PDE7B: variants seen among roughly 807,000 people sequenced by gnomAD.
PDE7B encodes phosphodiesterase 7B.
A neutral mutation model predicts 56.2 loss-of-function variants in PDE7B; 29 were observed. That is an observed-to-expected ratio of 0.52 (90% CI 0.38 to 0.70). The LOEUF is 0.70. Ranked by LOEUF, PDE7B falls within the 30% of genes least tolerant of loss-of-function variation. The pLI, the probability that PDE7B is intolerant of heterozygous loss-of-function variation, is 0.00. For missense variants in PDE7B, 490 were observed against 565.0 expected (o/e 0.87, Z 1.35); for synonymous variants, 197 against 196.9 (o/e 1.00, Z 0.00).
intron 2 of PDE7B, among the ~76,000 whole-genome samples, chr6:135,988,080 G>A (rs1343760352): frequency 1.3e-5 from 2 of 152,142 alleles, no homozygotes; most frequent in Non-Finnish European, 2.9e-5. Context: ...AAGCAGAATG[G>A]TATTTAGAGG....
intron 3 of PDE7B, among the ~76,000 whole-genome samples, chr6:136,116,406 G>A (rs749040175): frequency 2.0e-5 from 3 of 152,224 alleles, no homozygotes; most frequent in Non-Finnish European, 4.4e-5. Flanking sequence ...ATAAAACACT[G>A]TTTGAGAAAA....
chr6:135,853,725 AT>A (rs1354933086), intron 1 of PDE7B, among the ~76,000 whole-genome samples: 5,122 of 149,274 alleles, frequency 0.034, 279 homozygotes, highest in African/African-American at 0.11. Context: ...AGCTGGGAGA[AT>A]TTTTTTTTTT....
chr6:135,905,346 GTA>G lies in PDE7B; in HGVS notation c.22-42116_22-42115del, dbSNP rs147695199. On this transcript the variant is annotated intron_variant, in intron 1 of 12. Transcript: ENST00000308191. ...TGCATACATACATGCGTGTGTGTGT[GTA>G]TGTGTGTGTGTGTGTGTGTGTGTGT... 8.8e-5 allele frequency among the ~76,000 whole-genome samples: 8 copies of G among 91,042 alleles called. No homozygotes were observed. The East Asian group carries it at 1.1e-3, about 12-fold the overall frequency. 59.7% of individuals were successfully genotyped at this position (91,042 alleles called of 152,430 possible). A position where few individuals can be genotyped will look rare whatever the true frequency, so the allele number is the denominator to read the frequency against.
intron 3 of PDE7B, among the ~76,000 whole-genome samples, chr6:136,121,514 TA>T (rs1169106035): frequency 2.0e-5 from 3 of 152,092 alleles, no homozygotes; most frequent in Non-Finnish European, 4.4e-5. Context: ...CATCCCTTTT[TA>T]AAAAAAGGAG....
At position 136,066,741 on chromosome 6, in the gene PDE7B, C is replaced by G. The variant is rs189788675; in HGVS notation, c.83-41990C>G. 1.3e-4 allele frequency among the ~76,000 whole-genome samples: 19 copies of G among 151,820 alleles called. No homozygotes were observed. The South Asian group carries it at 2.1e-3, about 17-fold the overall frequency. On this transcript the variant is annotated intron_variant, in intron 2 of 12. Transcript: ENST00000308191. The stretch of plus-strand genomic sequence containing the variant: ...TGAATATCACTTAGCAACCGAAGAA[C>G]AAAAGCAGAAGAAATGGAGAGACAG...
intron 2 of PDE7B, among the ~76,000 whole-genome samples, chr6:136,001,549 G>T (rs1194189721): frequency 6.6e-6 from 1 of 152,208 alleles, no homozygotes; most frequent in Non-Finnish European, 1.5e-5. Context: ...ACTACGTGAA[G>T]AATGCAGAAG....
chr6:136,051,111 AG>A (rs1408459515), intron 2 of PDE7B, among the ~76,000 whole-genome samples: 2 of 151,376 alleles, frequency 1.3e-5, no homozygotes, highest in Non-Finnish European at 2.9e-5. Flanking sequence ...TTTCTTATAA[AG>A]AAATGACAGT....
intron 1 of PDE7B, among the ~76,000 whole-genome samples, chr6:135,892,512 C>T (rs1324676504): frequency 6.6e-6 from 1 of 152,086 alleles, no homozygotes; most frequent in Non-Finnish European, 1.5e-5. Flanking sequence ...CCTATACTTT[C>T]TAGTGAAGCA....
At chr6:136,118,481 C>G (rs928243690) in intron 3 of PDE7B, among the ~76,000 whole-genome samples, 2 of 152,130 alleles carry the variant, frequency 1.3e-5, no homozygotes, top group African/African-American at 4.8e-5. Context: ...ATGCTTTGCA[C>G]AGTTAGACTC....
chr6:136,124,502 A>G (rs1777988665), intron 3 of PDE7B, among the ~76,000 whole-genome samples: 1 of 152,256 alleles, frequency 6.6e-6, no homozygotes, highest in Admixed American at 6.5e-5. Flanking sequence ...AAATGACAGT[A>G]TCAAGTGTCC....
chr6:136,172,773 A>G (rs1778911702), intron 8 of PDE7B, among the ~76,000 whole-genome samples: 1 of 152,130 alleles, frequency 6.6e-6, no homozygotes, highest in African/African-American at 2.4e-5. Context: ...TTTAGGTCTA[A>G]CGTTTAAGTC....
chr6:135,960,618 C>A (rs1322931300), intron 2 of PDE7B, among the ~76,000 whole-genome samples: 2 of 152,096 alleles, frequency 1.3e-5, no homozygotes, highest in Non-Finnish European at 2.9e-5. Flanking sequence ...AATTGAAATA[C>A]AGCTTAAATT....
chr6:135,899,901 A>T (rs979070910), intron 1 of PDE7B, among the ~76,000 whole-genome samples: 2 of 152,118 alleles, frequency 1.3e-5, no homozygotes, highest in African/African-American at 4.8e-5. Context: ...TTTTGTTAAC[A>T]TCCTTTAATG....
chr6:136,130,087 T>C (rs1026934165), intron 3 of PDE7B, among the ~76,000 whole-genome samples: 1 of 152,118 alleles, frequency 6.6e-6, no homozygotes, highest in Non-Finnish European at 1.5e-5. Context: ...GTCGTAAGAA[T>C]AAAAACATTT....
intron 2 of PDE7B, among the ~76,000 whole-genome samples, chr6:135,951,750 A>G (rs1297735163): frequency 6.6e-6 from 1 of 151,962 alleles, no homozygotes; most frequent in Non-Finnish European, 1.5e-5. Flanking sequence ...TGAAATTTTC[A>G]TTGGCCCTGT....
At chr6:135,870,096 G>C (rs542599174) in intron 1 of PDE7B, among the ~76,000 whole-genome samples, 1 of 152,286 alleles carries the variant, frequency 6.6e-6, no homozygotes, top group South Asian at 2.1e-4. Context: ...GCCTAGGCTA[G>C]GGACGACATC....
At chr6:135,971,874 C>A (rs1017987279) in intron 2 of PDE7B, among the ~76,000 whole-genome samples, 2 of 152,172 alleles carry the variant, frequency 1.3e-5, no homozygotes, top group Non-Finnish European at 2.9e-5. Flanking sequence ...CAGCTGTTTT[C>A]TCATTGTTGC....
intron 2 of PDE7B, chr6:136,037,629 C>T: frequency 3.0e-6 from 3 of 985,424 alleles, no homozygotes. Flanking sequence ...TTTGAGAACT[C>T]CTTGGGGCTT....
intron 5 of PDE7B, among the ~76,000 whole-genome samples, chr6:136,150,815 T>G (rs542316360): frequency 6.6e-6 from 1 of 151,928 alleles, no homozygotes; most frequent in Non-Finnish European, 1.5e-5. Flanking sequence ...ACATTTCAAG[T>G]GGCCATAAGC....
Sources: allele counts gnomAD v4.1 joint callset (sites outside exome capture counted in the v4.1 genomes callset), GRCh38; gene constraint gnomAD v4.1.1; transcripts MANE v1.5; gene names NCBI Gene and HGNC (gene_info 2026-07-23, HGNC 2026-07-21).